Variants in RAB27A observed in about 807,000 individuals in gnomAD.
RAB27A encodes RAB27A, member RAS oncogene family.
RAB27A carries 17 observed loss-of-function variants against 20.8 expected under a neutral mutation model. The ratio of observed to expected loss-of-function variants is 0.82; its 90% CI spans 0.56 to 1.23. RAB27A has a LOEUF of 1.23. Ranked by LOEUF, RAB27A falls within the 50% of genes most tolerant of loss-of-function variation. RAB27A has a pLI of 0.00. For missense variants in RAB27A, 277 were observed against 266.7 expected (o/e 1.04, Z -0.27); for synonymous variants, 85 against 92.8 (o/e 0.92, Z 0.48).
intron 2 of RAB27A, among the ~76,000 whole-genome samples, chr15:55,304,418 T>C (rs1466014125): frequency 1.3e-5 from 2 of 150,606 alleles, no homozygotes; most frequent in African/African-American, 4.9e-5. Context: ...CCCATGACCC[T>C]GCCAAATCCC....
intron 2 of RAB27A, among the ~76,000 whole-genome samples, chr15:55,252,173 G>A (rs1423072339): frequency 6.6e-6 from 1 of 152,164 alleles, no homozygotes; most frequent in Non-Finnish European, 1.5e-5. Flanking sequence ...AGACAACACA[G>A]TTCATTAGAG....
intron 2 of RAB27A, among the ~76,000 whole-genome samples, chr15:55,300,090 G>C (rs188922032): frequency 1.3e-5 from 2 of 151,960 alleles, no homozygotes; most frequent in Non-Finnish European, 2.9e-5. Flanking sequence ...AAAGTGCTGG[G>C]ATTACAGGCA....
intron 2 of RAB27A, among the ~76,000 whole-genome samples, chr15:55,267,104 G>T (rs935528466): frequency 6.6e-6 from 1 of 152,188 alleles, no homozygotes; most frequent in Non-Finnish European, 1.5e-5. Context: ...CCACACCACA[G>T]AGGTACAAAC....
At position 55,204,934 on chromosome 15, in the gene RAB27A, T is replaced by TA. The variant is rs1478128895; in HGVS notation, c.*572dup. ...ATCCAGTTTATCCAAGGTCTATAGA[T>TA]ATAGCCATGATTTGTCCTATATTCA... is the stretch of plus-strand genomic sequence containing the variant. On this transcript the variant is annotated 3_prime_UTR_variant, in exon 7 of 7. Coordinates refer to ENST00000336787, the MANE Select transcript of RAB27A (RefSeq NM_183235.3). 1 of 161,454 alleles carries TA rather than the reference T, an allele frequency of 6.2e-6. No individual in the cohort carries two copies. The highest frequency in any genetic ancestry group is 1.4e-5 in the Non-Finnish European group (1 of 73,488). 10.0% of individuals were successfully genotyped at this position (161,454 alleles called of 1,614,324 possible).
chr15:55,229,736 A>G (rs1010303651), intron 4 of RAB27A, among the ~76,000 whole-genome samples: 7 of 152,056 alleles, frequency 4.6e-5, no homozygotes, highest in African/African-American at 1.7e-4. Flanking sequence ...GAAATAATAT[A>G]GTGTCTGGAA....
chr15:55,299,554 C>T (rs1306381068), intron 2 of RAB27A, among the ~76,000 whole-genome samples: 1 of 148,462 alleles, frequency 6.7e-6, no homozygotes, highest in Non-Finnish European at 1.5e-5. Flanking sequence ...GATCACACCA[C>T]TGCACTCCAG....
chr15:55,225,033 C>G (rs7181237), intron 5 of RAB27A, among the ~76,000 whole-genome samples: 57,014 of 152,054 alleles, frequency 0.37, 14,119 homozygotes, highest in African/African-American at 0.71. Flanking sequence ...CTACAGAGGA[C>G]AGACTAAACT....
At chr15:55,243,586 C>A (rs895839964) in intron 2 of RAB27A, among the ~76,000 whole-genome samples, 1 of 151,194 alleles carries the variant, frequency 6.6e-6, no homozygotes, top group Non-Finnish European at 1.5e-5. Context: ...GAGATCACAC[C>A]ACTGCACTAC....
chr15:55,262,645 T>C (rs1266818382), intron 2 of RAB27A, among the ~76,000 whole-genome samples: 1 of 151,102 alleles, frequency 6.6e-6, no homozygotes, highest in Non-Finnish European at 1.5e-5. Context: ...TTTTTTGTTT[T>C]TTTTTGAGAC....
chr15:55,264,937 A>T (rs929073729), intron 2 of RAB27A, among the ~76,000 whole-genome samples: 1 of 152,146 alleles, frequency 6.6e-6, no homozygotes, highest in African/African-American at 2.4e-5. Context: ...GCCCAAGGAA[A>T]ATGCATGGAA....
intron 1 of RAB27A, among the ~76,000 whole-genome samples, chr15:55,318,623 C>T (rs1358018476): frequency 6.6e-6 from 1 of 150,986 alleles, no homozygotes; most frequent in African/African-American, 2.4e-5. Flanking sequence ...ATCACTGGAA[C>T]CCGGGAGGCA....
At chr15:55,252,204 A>G (rs184418812) in intron 2 of RAB27A, among the ~76,000 whole-genome samples, 39 of 152,316 alleles carry the variant, frequency 2.6e-4, no homozygotes, top group Admixed American at 2.4e-3. Context: ...CAGTAGCTAG[A>G]AAAGACCGGG....
chr15:55,244,038 C>T (rs939206228), intron 2 of RAB27A, among the ~76,000 whole-genome samples: 1 of 152,142 alleles, frequency 6.6e-6, no homozygotes, highest in Non-Finnish European at 1.5e-5. Context: ...CAGTGGCTCA[C>T]ACCTGTAATC....
chr15:55,232,886 G>A (rs1470407141), intron 3 of RAB27A, among the ~76,000 whole-genome samples: 1 of 152,202 alleles, frequency 6.6e-6, no homozygotes, highest in East Asian at 1.9e-4. Context: ...CACTTTGGGA[G>A]GCTAAGATGG....
chr15:55,305,415 G>C (rs1003747543), intron 2 of RAB27A, among the ~76,000 whole-genome samples: 1 of 152,156 alleles, frequency 6.6e-6, no homozygotes, highest in African/African-American at 2.4e-5. Context: ...CTGCATCTGG[G>C]GCTCCATTTG....
chr15:55,275,424 T>C (rs532123848), intron 1 of RAB27A, among the ~76,000 whole-genome samples: 118 of 151,930 alleles, frequency 7.8e-4, no homozygotes, highest in African/African-American at 2.6e-3. Context: ...GGCAGGAGTT[T>C]GAAACCAGCC....
At chr15:55,274,958 CTAAA>C (rs2141108230) in intron 1 of RAB27A, among the ~76,000 whole-genome samples, 1 of 150,800 alleles carries the variant, frequency 6.6e-6, no homozygotes, top group South Asian at 2.1e-4. Context: ...AAGAGATACT[CTAAA>C]TAATCCAGTC....
chr15:55,220,847 A>G (rs1260598834), intron 6 of RAB27A, among the ~76,000 whole-genome samples: 2 of 152,120 alleles, frequency 1.3e-5, no homozygotes, highest in Non-Finnish European at 2.9e-5. Flanking sequence ...TTTCCATCAT[A>G]TTTTCCTCTA....
intron 1 of RAB27A, among the ~76,000 whole-genome samples, chr15:55,279,309 G>A (rs1218121468): frequency 6.6e-6 from 1 of 152,158 alleles, no homozygotes; most frequent in Non-Finnish European, 1.5e-5. Flanking sequence ...AACCAATTAG[G>A]GCAGGTGAAA....
Sources: gnomAD v4.1 joint callset for allele counts (sites outside exome capture counted in the v4.1 genomes callset) on GRCh38, gnomAD v4.1.1 for gene constraint, MANE v1.5 for transcripts, NCBI Gene and HGNC (gene_info 2026-07-23, HGNC 2026-07-21) for gene names.